Variants in NWD1 observed in about 807,000 individuals in gnomAD.
NWD1 encodes the protein NACHT and WD repeat domain containing 1, also known as NACHT domain- and WD repeat-containing protein 1.
In NWD1, 129 loss-of-function variants were observed where a neutral mutation model predicts 135.1. The ratio of observed to expected loss-of-function variants is 0.96; its 90% CI spans 0.83 to 1.11. The LOEUF (loss-of-function observed/expected upper bound fraction) is 1.11. Ranked by LOEUF, NWD1 falls within the 50% of genes least tolerant of loss-of-function variation. NWD1 has a pLI of 0.00. For missense variants in NWD1, 1,740 were observed against 1,851.3 expected (o/e 0.94, Z 1.10); for synonymous variants, 773 against 786.0 (o/e 0.98, Z 0.28).
intron 17 of NWD1, among the ~76,000 whole-genome samples, chr19:16,800,477 G>C (rs1412559976): frequency 6.6e-6 from 1 of 152,186 alleles, no homozygotes; most frequent in Non-Finnish European, 1.5e-5. Flanking sequence ...ACTGCAGTGA[G>C]CCGGGATCCT....
At chr19:16,774,649 C>T (rs562727572) in intron 11 of NWD1, among the ~76,000 whole-genome samples, 1 of 151,852 alleles carries the variant, frequency 6.6e-6, no homozygotes, top group South Asian at 2.1e-4. Context: ...TTCATCCGTC[C>T]ATCCACCCAC....
intron 18 of NWD1, among the ~76,000 whole-genome samples, chr19:16,808,499 A>G (rs1970825053): frequency 1.3e-5 from 2 of 151,920 alleles, no homozygotes; most frequent in African/African-American, 4.8e-5. Flanking sequence ...GCAGTGAGCC[A>G]AGATCACGCC....
intron 12 of NWD1, among the ~76,000 whole-genome samples, chr19:16,784,511 G>A (rs982532174): frequency 6.6e-6 from 1 of 152,154 alleles, no homozygotes; most frequent in Non-Finnish European, 1.5e-5. Flanking sequence ...GGGCAGGGGA[G>A]AGGAAAGAGC....
At chr19:16,802,116 T>C (rs1369877115) in intron 17 of NWD1, among the ~76,000 whole-genome samples, 1 of 151,756 alleles carries the variant, frequency 6.6e-6, no homozygotes, top group African/African-American at 2.4e-5. Context: ...AAACCCCATC[T>C]CTACTAAAAA....
chr19:16,749,571 A>C lies in NWD1; in HGVS notation c.929A>C (p.Gln310Pro), dbSNP rs1968473488. Residue 310 changes from glutamine to proline, a missense_variant, in exon 6 of 19, where the codon CAG becomes CCG. By Grantham distance (76) the Gln-to-Pro change is moderately conservative. Coordinates refer to ENST00000524140, the MANE Select transcript of NWD1 (RefSeq NM_001007525.5). ...CTTTGGCAGAGCTCGGAGGTCATTC[A>C]GACCTTCTGCGGACGCCAGGAACTC... Reference protein sequence around the residue: ...HHLWQSSEVIQTFCGRQELLA... With the variant: ...HHLWQSSEVIPTFCGRQELLA... 1 of 1,613,222 alleles carries C rather than the reference A, an allele frequency of 6.2e-7. No individual in the cohort carries two copies. Among genetic ancestry groups the C allele is most frequent in the Non-Finnish European group, 8.5e-7 (1 of 1,179,420 alleles).
rs376005618 is a variant in NWD1, at chr19:16,749,545, C to A, written c.903C>A (p.His301Gln). ...LAWLYQEIRH[H>Q]LWQSSEVIQT... ...GGCTCTACCAAGAGATCCGCCACCA[C>A]CTTTGGCAGAGCTCGGAGGTCATTC... Residue 301 changes from histidine (H) to glutamine (Q), a missense_variant, in exon 6 of 19, where the codon CAC becomes CAA. Coordinates refer to ENST00000524140, the MANE Select transcript of NWD1 (RefSeq NM_001007525.5). The A allele has an allele frequency of 4.3e-5, 70 of 1,613,106 alleles. No individual in the cohort carries two copies. The African/African-American group carries it at 8.5e-4, about 20-fold the overall frequency.
chr19:16,741,620 C>T (rs972583757), intron 4 of NWD1, among the ~76,000 whole-genome samples: 2 of 151,846 alleles, frequency 1.3e-5, no homozygotes, highest in African/African-American at 4.8e-5. Flanking sequence ...CCACCTGCCT[C>T]GGCCTCCCAA....
intron 2 of NWD1, among the ~76,000 whole-genome samples, chr19:16,726,689 TC>T (rs1967343943): frequency 1.3e-5 from 2 of 152,300 alleles, no homozygotes; most frequent in African/African-American, 4.8e-5. Flanking sequence ...TCCACCCACC[TC>T]GGCCTCCCAA....
At chr19:16,753,557 G>T (rs112569721) in intron 6 of NWD1, among the ~76,000 whole-genome samples, 1 of 152,044 alleles carries the variant, frequency 6.6e-6, no homozygotes, top group African/African-American at 2.4e-5. Flanking sequence ...AGTTCTCCAC[G>T]CCCCCCATCC....
chr19:16,793,452 C>G (rs182671307), intron 14 of NWD1, among the ~76,000 whole-genome samples: 3 of 151,920 alleles, frequency 2.0e-5, no homozygotes, highest in African/African-American at 7.2e-5. Context: ...GTTGCCTAGG[C>G]TGGTTTCAAA....
chr19:16,771,859 C>A (rs539731280), intron 10 of NWD1, among the ~76,000 whole-genome samples: 14 of 144,146 alleles, frequency 9.7e-5, no homozygotes, highest in Middle Eastern at 3.7e-3. Context: ...TGAGAAGGAG[C>A]CTCGCTCTGT....
intron 10 of NWD1, among the ~76,000 whole-genome samples, chr19:16,771,794 A>G (rs1185629310): frequency 6.6e-6 from 1 of 151,600 alleles, no homozygotes; most frequent in Non-Finnish European, 1.5e-5. Flanking sequence ...GGACCATTCA[A>G]CATAACATCC....
At chr19:16,748,967 G>A (rs1165855479) in intron 5 of NWD1, among the ~76,000 whole-genome samples, 172 bp from the exon 6 acceptor site, 1 of 152,152 alleles carries the variant, frequency 6.6e-6, no homozygotes, top group Non-Finnish European at 1.5e-5. Flanking sequence ...ACTTCTGGAG[G>A]TGGGGTCCAG....
intron 4 of NWD1, among the ~76,000 whole-genome samples, chr19:16,739,655 G>C (rs886070679): frequency 6.6e-6 from 1 of 152,126 alleles, no homozygotes; most frequent in African/African-American, 2.4e-5. Context: ...ATTTGTGGGG[G>C]CGCCTTCCAC....
chr19:16,792,310 G>A (rs747169719), intron 14 of NWD1, among the ~76,000 whole-genome samples: 14 of 152,094 alleles, frequency 9.2e-5, no homozygotes, highest in African/African-American at 1.9e-4. Flanking sequence ...GGAGGCTGAG[G>A]GGGGGTGGAT....
intron 7 of NWD1, among the ~76,000 whole-genome samples, chr19:16,760,837 G>A (rs1043249790): frequency 9.9e-5 from 15 of 151,534 alleles, no homozygotes; most frequent in Non-Finnish European, 1.5e-4. Flanking sequence ...TGATCTGCCC[G>A]CCTTGGCCTC....
At chr19:16,738,877 T>C (rs1410455043) in intron 4 of NWD1, among the ~76,000 whole-genome samples, 1 of 143,606 alleles carries the variant, frequency 7.0e-6, no homozygotes, top group Non-Finnish European at 1.5e-5. Context: ...ATATAATACA[T>C]TATATATTAT....
chr19:16,757,960 G>C (rs1968859929), intron 6 of NWD1, among the ~76,000 whole-genome samples: 1 of 152,004 alleles, frequency 6.6e-6, no homozygotes, highest in Non-Finnish European at 1.5e-5. Flanking sequence ...GCTGAGGCAG[G>C]AGAATCGCTT....
intron 2 of NWD1, among the ~76,000 whole-genome samples, chr19:16,728,923 A>G (rs1015483280): frequency 1.3e-4 from 18 of 140,328 alleles, no homozygotes; most frequent in African/African-American, 2.5e-4. Flanking sequence ...CAGCCTGGGC[A>G]ACAGAGCATG....
Sources: gnomAD v4.1 joint callset for allele counts (sites outside exome capture counted in the v4.1 genomes callset) on GRCh38, gnomAD v4.1.1 for gene constraint, MANE v1.5 for transcripts, NCBI Gene and HGNC (gene_info 2026-07-23, HGNC 2026-07-21) for gene names.